The following RBPMS2 variants were observed in gnomAD, a reference collection of about 807,000 sequenced individuals.
The protein encoded by RBPMS2 is RNA binding protein, mRNA processing factor 2, also known as RNA-binding protein with multiple splicing 2.
A neutral mutation model predicts 25.7 loss-of-function variants in RBPMS2; 14 were observed. The observed-to-expected ratio is 0.55, with a 90% CI of 0.36 to 0.85. The LOEUF (loss-of-function observed/expected upper bound fraction) is 0.85, where lower values mean the gene tolerates loss of function less well. RBPMS2 is among the 40% of genes least tolerant of loss of function. The pLI, the probability that RBPMS2 is intolerant of heterozygous loss-of-function variation, is 0.01. For synonymous variants in RBPMS2, 127 were observed against 115.6 expected, an observed-to-expected ratio of 1.10 and a Z score of -0.63; for missense variants, 252 against 283.4, an observed-to-expected ratio of 0.89 and a Z score of 0.80.
intron 6 of RBPMS2, among the ~76,000 whole-genome samples, chr15:64,745,830 TGG>T: frequency 6.6e-6 from 1 of 152,306 alleles, no homozygotes; most frequent in Non-Finnish European, 1.5e-5. Flanking sequence ...TGTGGAGGCC[TGG>T]GCTCAGGCTG....
At chr15:64,748,895 TG>T in intron 5 of RBPMS2, 104 bp downstream of exon 5, 1 of 1,336,384 alleles carries the variant, frequency 7.5e-7, no homozygotes. Flanking sequence ...TGGGTGGCCG[TG>T]GACACAAAAA....
At chr15:64,767,857 G>A (rs916408525) in intron 1 of RBPMS2, among the ~76,000 whole-genome samples, 6 of 152,070 alleles carry the variant, frequency 3.9e-5, no homozygotes, top group East Asian at 3.9e-4. Flanking sequence ...TTGTAAGGAC[G>A]GGGTTTAATC....
chr15:64,744,798 G>GTT lies in RBPMS2; in HGVS notation c.568-3558_568-3557dup, dbSNP rs748967917. 5.8e-4 allele frequency among the ~76,000 whole-genome samples: 27 copies of GTT among 46,284 alleles called. 1 individual carries two copies. Among genetic ancestry groups the GTT allele is most frequent in the Non-Finnish European group, 6.2e-4 (16 of 25,640 alleles). The allele number at this position is 46,284 out of a possible 152,430, so 30.4% of individuals were successfully genotyped here. ...TATTTAAGTTTTTTTGGTTTGTTTT[G>GTT]TTTTTTTTTTTTTTTTTTTTTTTTT... On this transcript the variant is annotated intron_variant, in intron 6 of 7. Coordinates refer to ENST00000300069, the MANE Select transcript of RBPMS2 (RefSeq NM_194272.3).
chr15:64,769,769 G>C (rs1194939581), intron 1 of RBPMS2, among the ~76,000 whole-genome samples: 1 of 152,210 alleles, frequency 6.6e-6, no homozygotes, highest in Non-Finnish European at 1.5e-5. Flanking sequence ...CTCCTGGCAG[G>C]GGCTGACAGC....
intron 1 of RBPMS2, among the ~76,000 whole-genome samples, chr15:64,760,091 T>G (rs1446709086): frequency 1.3e-5 from 2 of 152,230 alleles, no homozygotes; most frequent in African/African-American, 4.8e-5. Context: ...CAGCAGATGC[T>G]TAGGGTCCCT....
intron 1 of RBPMS2, among the ~76,000 whole-genome samples, chr15:64,774,327 C>T (rs1006706722): frequency 5.9e-5 from 9 of 152,192 alleles, no homozygotes; most frequent in African/African-American, 1.7e-4. Flanking sequence ...AAGCCTGTCC[C>T]CTTCTACTCC....
intron 1 of RBPMS2, among the ~76,000 whole-genome samples, chr15:64,774,730 G>A (rs933376987): frequency 5.5e-4 from 4 of 7,266 alleles, no homozygotes; most frequent in East Asian, 0.024. Context: ...CAGGAACCGA[G>A]GAGCCGGCCG....
chr15:64,741,354 G>C (rs2141051393), intron 6 of RBPMS2, 112 bp from the exon 7 acceptor site: 1 of 818,650 alleles, frequency 1.2e-6, no homozygotes, highest in Admixed American at 2.2e-5. Context: ...GTCACTGATT[G>C]GCTGGCACAT....
chr15:64,770,039 C>T (rs1260619812), intron 1 of RBPMS2, among the ~76,000 whole-genome samples: 3 of 152,096 alleles, frequency 2.0e-5, no homozygotes, highest in East Asian at 3.9e-4. Flanking sequence ...ATTAGCTGGC[C>T]GTAGTGGTGC....
rs927501019 is a variant in RBPMS2 at position 64,741,259 on chromosome 15, C to A, written c.568-17G>T. ...CCAGCGCACCTGCAAGAGAAGCCAA[C>A]GTCAGGAGCCAGCTGTGCATCCCTT... On this transcript the variant is annotated splice_polypyrimidine_tract_variant and intron_variant, in intron 6 of 7. Transcript: ENST00000300069. 2 of 1,577,922 alleles carry A rather than the reference C, an allele frequency of 1.3e-6. No individual in the cohort carries two copies. Among genetic ancestry groups the A allele is most frequent in the East Asian group, 2.3e-5 (1 of 43,110 alleles).
chr15:64,775,018 G>A (rs962641844), intron 1 of RBPMS2, among the ~76,000 whole-genome samples: 2 of 150,772 alleles, frequency 1.3e-5, no homozygotes, highest in African/African-American at 4.8e-5. Flanking sequence ...AGCCCGAGAG[G>A]GCGGGGAGAC....
chr15:64,741,294 G>A, intron 6 of RBPMS2, 52 bp from the exon 7 acceptor site: 1 of 1,436,220 alleles, frequency 7.0e-7, no homozygotes, highest in Non-Finnish European at 9.6e-7. Context: ...TCCCTCAACA[G>A]GAAGCCAGGT....
chr15:64,774,729 A>G (rs1017874423), intron 1 of RBPMS2, among the ~76,000 whole-genome samples: 2 of 14,356 alleles, frequency 1.4e-4, no homozygotes, highest in African/African-American at 3.6e-4. Flanking sequence ...GCAGGAACCG[A>G]GGAGCCGGCC....
chr15:64,756,422 C>T (rs916706706), intron 1 of RBPMS2, among the ~76,000 whole-genome samples: 1 of 151,248 alleles, frequency 6.6e-6, no homozygotes, highest in Non-Finnish European at 1.5e-5. Flanking sequence ...GGCTGAGGCA[C>T]GAGAATCCCC....
At chr15:64,743,140 G>A (rs575139599) in intron 6 of RBPMS2, among the ~76,000 whole-genome samples, 5 of 152,362 alleles carry the variant, frequency 3.3e-5, no homozygotes, top group African/African-American at 7.2e-5. Context: ...CCCACAGCAA[G>A]GAAATCCCGG....
chr15:64,756,977 T>C (rs1407227771), intron 1 of RBPMS2, among the ~76,000 whole-genome samples: 3 of 149,356 alleles, frequency 2.0e-5, no homozygotes, highest in Non-Finnish European at 4.5e-5. Context: ...CTCATTTTTT[T>C]TTTTTTTTTT....
At position 64,740,214 on chromosome 15, in the gene RBPMS2, G is replaced by A. The variant is rs1326533545; in HGVS notation, c.*794C>T. ...CTTTAATAATTAATGGTACGCACAT[G>A]AAAAATCCTTTATGATGCATAAATA... On this transcript the variant is annotated 3_prime_UTR_variant, in exon 8 of 8. Transcript: ENST00000300069. The A allele has an allele frequency of 3.3e-5, 5 of 152,478 alleles. No homozygotes were observed. In the East Asian group the frequency reaches 9.6e-4, roughly 29 times the overall value. The allele number at this position is 152,478 out of a possible 1,614,324, so 9.4% of individuals were successfully genotyped here. A position where few individuals can be genotyped will look rare whatever the true frequency, so the allele number is the denominator to read the frequency against.
intron 1 of RBPMS2, among the ~76,000 whole-genome samples, chr15:64,752,222 T>C (rs1173970266): frequency 1.3e-5 from 2 of 152,058 alleles, no homozygotes; most frequent in African/African-American, 2.4e-5. Flanking sequence ...TAAAAATGTA[T>C]CTATTTTTTT....
intron 1 of RBPMS2, among the ~76,000 whole-genome samples, chr15:64,767,106 C>A (rs945216940): frequency 2.6e-5 from 4 of 150,944 alleles, no homozygotes; most frequent in African/African-American, 9.7e-5. Context: ...TTTTTTCTCT[C>A]TTTTTTTTTG....
Sources: gnomAD v4.1 joint callset for allele counts (sites outside exome capture counted in the v4.1 genomes callset) on GRCh38, gnomAD v4.1.1 for gene constraint, MANE v1.5 for transcripts, NCBI Gene and HGNC (gene_info 2026-07-23, HGNC 2026-07-21) for gene names.